The following ADGRL3 variants were observed in gnomAD, a reference collection of about 807,000 sequenced individuals.
ADGRL3 encodes the protein calcium-independent alpha-latrotoxin receptor 3.
In ADGRL3, 62 loss-of-function variants were observed where a neutral mutation model predicts 153.5. The observed-to-expected ratio is 0.40, with a 90% CI of 0.33 to 0.50. The LOEUF (loss-of-function observed/expected upper bound fraction) is 0.50, where lower values mean the gene tolerates loss of function less well. Among genes scored for constraint, ADGRL3 ranks in the 20% least tolerant of loss-of-function variants. The pLI is 0.47. For missense variants in ADGRL3, 1,641 were observed against 1,859.4 expected (o/e 0.88, Z 2.16); for synonymous variants, 710 against 672.5 (o/e 1.06, Z -0.86).
chr4:61,374,163 G>T (rs1578510078), intron 1 of ADGRL3, among the ~76,000 whole-genome samples: 1 of 152,206 alleles, frequency 6.6e-6, no homozygotes, highest in East Asian at 1.9e-4. Context: ...AAAAATTTCT[G>T]AAAAGTTGGG....
intron 5 of ADGRL3, among the ~76,000 whole-genome samples, chr4:61,619,599 G>A (rs1026029026): frequency 2.0e-5 from 3 of 151,090 alleles, no homozygotes; most frequent in African/African-American, 4.9e-5. Flanking sequence ...TTATACTTTC[G>A]ATTTACAGCA....
At chr4:61,779,241 C>G (rs1438814064) in intron 8 of ADGRL3, among the ~76,000 whole-genome samples, 1 of 151,996 alleles carries the variant, frequency 6.6e-6, no homozygotes, top group Non-Finnish European at 1.5e-5. Context: ...TTACACTTAA[C>G]TGAATTTTTT....
intron 21 of ADGRL3, among the ~76,000 whole-genome samples, chr4:62,018,237 T>A (rs948122368): frequency 5.9e-5 from 9 of 152,086 alleles, no homozygotes; most frequent in African/African-American, 2.2e-4. Context: ...TCTAGGCGTA[T>A]TAAAAGCAGA....
intron 1 of ADGRL3, among the ~76,000 whole-genome samples, chr4:61,360,757 A>G (rs769068699): frequency 1.3e-5 from 2 of 152,186 alleles, no homozygotes; most frequent in Non-Finnish European, 2.9e-5. Flanking sequence ...TTTGTCATAT[A>G]CCACATACTA....
At chr4:61,291,206 A>G (rs944361626) in intron 1 of ADGRL3, among the ~76,000 whole-genome samples, 13 of 131,414 alleles carry the variant, frequency 9.9e-5, no homozygotes, top group African/African-American at 2.8e-4. Flanking sequence ...ACACACACAC[A>G]CACACACACA....
chr4:61,627,262 C>CT (rs1014582518), intron 5 of ADGRL3, among the ~76,000 whole-genome samples: 3 of 152,010 alleles, frequency 2.0e-5, no homozygotes, highest in African/African-American at 7.2e-5. Context: ...AATAAACTTA[C>CT]TTTTTTTAGA....
chr4:61,609,753 G>A (rs1395235680), intron 5 of ADGRL3, among the ~76,000 whole-genome samples: 1 of 151,994 alleles, frequency 6.6e-6, no homozygotes. Context: ...GTGTAGCATT[G>A]TGATAACAAA....
intron 8 of ADGRL3, among the ~76,000 whole-genome samples, chr4:61,796,783 A>C (rs2097420052): frequency 6.6e-6 from 1 of 152,154 alleles, no homozygotes. Context: ...TTTCTTTAGA[A>C]TTGTTTAAAC....
At chr4:62,013,944 G>A (rs961529077) in intron 21 of ADGRL3, among the ~76,000 whole-genome samples, 3 of 151,494 alleles carry the variant, frequency 2.0e-5, no homozygotes, top group Admixed American at 1.3e-4. Context: ...GCATTATTCA[G>A]CTACTTCAAT....
At chr4:61,688,531 T>G (rs2095485865) in intron 6 of ADGRL3, among the ~76,000 whole-genome samples, 1 of 152,138 alleles carries the variant, frequency 6.6e-6, no homozygotes, top group African/African-American at 2.4e-5. Context: ...TTCAAACAGC[T>G]TTGTACCATG....
At chr4:61,713,470 T>C (rs904648546) in intron 6 of ADGRL3, among the ~76,000 whole-genome samples, 17 of 152,164 alleles carry the variant, frequency 1.1e-4, no homozygotes, top group African/African-American at 4.1e-4. Context: ...GTTAAATTAA[T>C]CGCCCTTGAT....
chr4:61,363,864 T>C (rs1288677772), intron 1 of ADGRL3, among the ~76,000 whole-genome samples: 1 of 152,100 alleles, frequency 6.6e-6, no homozygotes. Flanking sequence ...ATGCAGCTAA[T>C]GTAAGAGGTA....
At chr4:61,795,888 G>T (rs1027362208) in intron 8 of ADGRL3, among the ~76,000 whole-genome samples, 1 of 152,126 alleles carries the variant, frequency 6.6e-6, no homozygotes, top group Non-Finnish European at 1.5e-5. Context: ...TGTCGCCCAG[G>T]TTGGAGTGCA....
chr4:61,972,492 G>C (rs1282005579), intron 17 of ADGRL3, among the ~76,000 whole-genome samples: 1 of 152,028 alleles, frequency 6.6e-6, no homozygotes, highest in African/African-American at 2.4e-5. Context: ...ATTTCTGAGG[G>C]CTCTGTTCTG....
At chr4:61,847,911 A>T (rs1407259740) in intron 9 of ADGRL3, among the ~76,000 whole-genome samples, 7 of 21,320 alleles carry the variant, frequency 3.3e-4, no homozygotes, top group African/African-American at 7.1e-4. Context: ...TATAATATAA[A>T]ATATATTATA....
At chr4:61,432,594 CTT>C (rs1560622795) in intron 2 of ADGRL3, among the ~76,000 whole-genome samples, 2 of 14,344 alleles carry the variant, frequency 1.4e-4, no homozygotes, top group African/African-American at 4.1e-4. Flanking sequence ...TTCTTTCTTT[CTT>C]TCTTTCTTTC....
chr4:61,294,619 C>T (rs1017467320), intron 1 of ADGRL3, among the ~76,000 whole-genome samples: 4 of 151,964 alleles, frequency 2.6e-5, no homozygotes, highest in Admixed American at 6.6e-5. Flanking sequence ...CTTACTGGTA[C>T]ATAAAATAAT....
chr4:61,886,624 ATTTGTTTGTTTGTTTG>A (rs34618045), intron 9 of ADGRL3, among the ~76,000 whole-genome samples: 14 of 149,016 alleles, frequency 9.4e-5, no homozygotes, highest in Admixed American at 2.0e-4. Context: ...TTTAGACTAC[ATTTGTTTGTTTGTTTG>A]TTTGTTTGTT....
chr4:61,816,004 A>G (rs1240914700), intron 9 of ADGRL3, among the ~76,000 whole-genome samples: 1 of 152,230 alleles, frequency 6.6e-6, no homozygotes, highest in Non-Finnish European at 1.5e-5. Flanking sequence ...TGCTTATGAC[A>G]TAATTGTTCA....
Sources: allele counts gnomAD v4.1 joint callset (sites outside exome capture counted in the v4.1 genomes callset), GRCh38; gene constraint gnomAD v4.1.1; transcripts MANE v1.5; gene names NCBI Gene and HGNC (gene_info 2026-07-23, HGNC 2026-07-21).